The following ALCAM variants were observed in gnomAD, a reference collection of about 807,000 sequenced individuals.
The protein encoded by ALCAM is activated leukocyte cell adhesion molecule.
Under a neutral mutation model 70.9 loss-of-function variants are expected in ALCAM, and 30 were observed. The observed-to-expected ratio is 0.42, with a 90% confidence interval of 0.32 to 0.57. The LOEUF (loss-of-function observed/expected upper bound fraction) is 0.57. Among genes scored for constraint, ALCAM ranks in the 20% least tolerant of loss-of-function variants. The probability of loss-of-function intolerance (pLI) is 0.11; values close to 1 mark genes in which losing one functional copy is unlikely to be tolerated. For missense variants in ALCAM, 591 were observed against 695.1 expected, an observed-to-expected ratio of 0.85 and a Z score of 1.68; for synonymous variants, 249 against 242.5, an observed-to-expected ratio of 1.03 and a Z score of -0.25.
In ALCAM at chr3:105,575,602, C is replaced by T. The variant is rs1332207674; in HGVS notation, c.*1151C>T. On this transcript the variant is annotated 3_prime_UTR_variant, in exon 16 of 16. Transcript: ENST00000306107. ...TAAAATGTCTATGTATCTTTAGTTA[C>T]ATTCAAATTTGTAACTTTATAAACA... 1.3e-5 allele frequency: 2 copies of T among 152,418 alleles called. No homozygotes were observed. The highest frequency in any genetic ancestry group is 2.9e-5 in the Non-Finnish European group (2 of 67,982). The allele number at this position is 152,418 out of a possible 1,614,324, so 9.4% of individuals were successfully genotyped here.
chr3:105,402,471 T>A (rs1936112471), intron 1 of ALCAM, among the ~76,000 whole-genome samples: 2 of 151,684 alleles, frequency 1.3e-5, no homozygotes, highest in African/African-American at 4.8e-5. Context: ...CAATGGGGAG[T>A]CTCGTGGTTT....
At chr3:105,370,198 T>C (rs1394720492) in intron 1 of ALCAM, among the ~76,000 whole-genome samples, 2 of 152,192 alleles carry the variant, frequency 1.3e-5, no homozygotes, top group African/African-American at 4.8e-5. Flanking sequence ...CAACAGGACT[T>C]GGGAAAGCAT....
intron 8 of ALCAM, among the ~76,000 whole-genome samples, chr3:105,544,016 G>A (rs1940183780): frequency 6.6e-6 from 1 of 151,566 alleles, no homozygotes; most frequent in African/African-American, 2.4e-5. Context: ...AGTCTGATAG[G>A]AGAGACAAAC....
rs536088126 is a variant in ALCAM, at chr3:105,507,847, C to T, written c.74-12220C>T. Among the ~76,000 whole-genome samples the T allele has an allele frequency of 4.6e-5, 7 of 152,214 alleles. No individual in the cohort carries two copies. In the South Asian group the frequency reaches 1.5e-3, roughly 32 times the overall value. ...AAGTTAGAAAGACTTTAATCTCAAC[C>T]TTGCCATTTTAGTCATTCAGTACGT... On this transcript the variant is annotated intron_variant, in intron 1 of 15. Coordinates refer to ENST00000306107, the MANE Select transcript of ALCAM (RefSeq NM_001627.4).
chr3:105,550,147 T>G lies in ALCAM; in HGVS notation c.1395T>G (p.Ile465Met). Reference protein sequence around the residue: ...VINQTEESPYINGRYYSKIII... With the variant: ...VINQTEESPYMNGRYYSKIII... ...TCCAGACAGAGGAATCTCCTTATAT[T>G]AATGGCAGGTATTATAGTAAAATTA... The change falls in exon 12 of 16, where the codon ATT (isoleucine) becomes ATG (methionine). Residue 465 changes from isoleucine (I) to methionine (M), a missense_variant. By Grantham distance (10) the Ile-to-Met change is conservative (BLOSUM62 1). Around this residue, in one of 2 missense-constraint regions of ALCAM, gnomAD observed 164 missense variants for 244.7 expected, o/e 0.67. Transcript: ENST00000306107. 6.3e-7 allele frequency: 1 copy of G among 1,594,974 alleles called. No individual in the cohort carries two copies. Among genetic ancestry groups the G allele is most frequent in the Middle Eastern group, 1.7e-4 (1 of 5,980 alleles).
intron 1 of ALCAM, among the ~76,000 whole-genome samples, chr3:105,467,899 T>C (rs1937795968): frequency 6.6e-6 from 1 of 151,286 alleles, no homozygotes. Context: ...TCTTTCCTCA[T>C]TTTTCATTTC....
chr3:105,539,299 A>G (rs1352957653), intron 6 of ALCAM, among the ~76,000 whole-genome samples: 2 of 152,086 alleles, frequency 1.3e-5, no homozygotes, highest in East Asian at 3.9e-4. Context: ...GCATTCTACT[A>G]TTGAGTGCTG....
Position 105,545,323 on chromosome 3 carries a change from G to A in ALCAM, c.1092G>A (p.Val364=), listed in dbSNP as rs1483700738. The A allele has an allele frequency of 3.7e-6, 6 of 1,606,356 alleles. No individual in the cohort carries two copies. Among genetic ancestry groups the A allele is most frequent in the South Asian group, 3.3e-5 (3 of 90,936 alleles). Residue 364 remains valine (V), a synonymous_variant, in exon 9 of 16, where the codon GTG becomes GTA. Transcript: ENST00000306107. The part of the protein sequence containing the change: ...CTISASRNAT[V]VWMKDNIRLR... Reference sequence around the variant, plus strand: ...TATCTGCTAGCAGGAATGCAACTGTGGTATGGATGAAAGTAAGTAATATTT... The same window carrying A: ...TATCTGCTAGCAGGAATGCAACTGTAGTATGGATGAAAGTAAGTAATATTT...
chr3:105,523,595 A>G (rs563013169), intron 2 of ALCAM, among the ~76,000 whole-genome samples: 1 of 152,320 alleles, frequency 6.6e-6, no homozygotes, highest in South Asian at 2.1e-4. Context: ...GAAATGCGTT[A>G]TATGTCTCAG....
chr3:105,528,552 C>T (rs1287223526), intron 3 of ALCAM, among the ~76,000 whole-genome samples: 2 of 152,134 alleles, frequency 1.3e-5, no homozygotes, highest in African/African-American at 4.8e-5. Context: ...TATATATGAT[C>T]AGCCCTTAAT....
At chr3:105,407,982 T>G (rs1483900893) in intron 1 of ALCAM, among the ~76,000 whole-genome samples, 2 of 151,744 alleles carry the variant, frequency 1.3e-5, no homozygotes, top group African/African-American at 4.8e-5. Flanking sequence ...TAAAATAAAA[T>G]GCTTAAGAAT....
At chr3:105,499,175 G>C (rs934112626) in intron 1 of ALCAM, among the ~76,000 whole-genome samples, 1 of 152,084 alleles carries the variant, frequency 6.6e-6, no homozygotes, top group Non-Finnish European at 1.5e-5. Context: ...CCCAAGCAAA[G>C]TAGAATTTTT....
At chr3:105,488,678 G>A (rs1938497417) in intron 1 of ALCAM, among the ~76,000 whole-genome samples, 1 of 149,732 alleles carries the variant, frequency 6.7e-6, no homozygotes, top group Non-Finnish European at 1.5e-5. Flanking sequence ...GAAGGGGAAG[G>A]GAAGGGGAAG....
intron 14 of ALCAM, among the ~76,000 whole-genome samples, chr3:105,555,795 C>T (rs1039551443): frequency 1.3e-5 from 2 of 151,884 alleles, no homozygotes; most frequent in African/African-American, 4.8e-5. Flanking sequence ...CAATTGTGTT[C>T]TTTTCCCATT....
At chr3:105,498,568 G>A (rs1576203476) in intron 1 of ALCAM, among the ~76,000 whole-genome samples, 1 of 152,040 alleles carries the variant, frequency 6.6e-6, no homozygotes, top group Admixed American at 6.6e-5. Context: ...TACCTGCCTT[G>A]ATATCATGTA....
intron 1 of ALCAM, among the ~76,000 whole-genome samples, chr3:105,426,217 G>T (rs1284630881): frequency 6.6e-6 from 1 of 151,652 alleles, no homozygotes; most frequent in Non-Finnish European, 1.5e-5. Flanking sequence ...AAAATTAGAA[G>T]GTTAAATTAA....
intron 3 of ALCAM, among the ~76,000 whole-genome samples, chr3:105,530,622 T>C (rs189645182): frequency 9.0e-4 from 137 of 152,156 alleles, no homozygotes; most frequent in African/African-American, 3.2e-3. Flanking sequence ...CTAGAAATCA[T>C]CATTGTGAAA....
chr3:105,398,941 C>T (rs1305061672), intron 1 of ALCAM, among the ~76,000 whole-genome samples: 1 of 150,672 alleles, frequency 6.6e-6, no homozygotes, highest in Non-Finnish European at 1.5e-5. Flanking sequence ...TTTTTTACTA[C>T]ATTCACACTT....
At chr3:105,501,914 A>C (rs1366842617) in intron 1 of ALCAM, among the ~76,000 whole-genome samples, 1 of 152,250 alleles carries the variant, frequency 6.6e-6, no homozygotes, top group African/African-American at 2.4e-5. Context: ...AATCTAAAGC[A>C]AACTCAAGTT....
Sources: gnomAD v4.1 joint callset for allele counts (sites outside exome capture counted in the v4.1 genomes callset) on GRCh38, gnomAD v4.1.1 for gene constraint, gnomAD v4.1.1 regional missense constraint, MANE v1.5 for transcripts, NCBI Gene and HGNC (gene_info 2026-07-23, HGNC 2026-07-21) for gene names.